Variants in NLRC4 observed in about 807,000 individuals in gnomAD.
NLRC4 encodes the protein NLR family CARD domain containing 4.
In NLRC4, 63 loss-of-function variants were observed where a neutral mutation model predicts 79.9. The observed-to-expected ratio is 0.79, with a 90% CI of 0.64 to 0.97. NLRC4 has a LOEUF of 0.97. Ranked by LOEUF, NLRC4 falls within the 50% of genes least tolerant of loss-of-function variation. NLRC4 has a pLI of 0.00. For missense variants in NLRC4, 1,074 were observed against 1,215.2 expected, an observed-to-expected ratio of 0.88 and a Z score of 1.73; for synonymous variants, 461 against 456.5, an observed-to-expected ratio of 1.01 and a Z score of -0.12.
rs1558464069 is a variant in NLRC4, at chr2:32,261,315, C to CTTTTTTTTTTTTTTTTTTTTTTTTTT, written c.-119+3422_-119+3423insAAAAAAAAAAAAAAAAAAAAAAAAAA. On this transcript the variant is annotated intron_variant, in intron 1 of 8. Coordinates refer to ENST00000402280, the MANE Select transcript of NLRC4 (RefSeq NM_001199138.2). ...TTTCTTTCGCCTATTAAGCCTCCCC[C>CTTTTTTTTTTTTTTTTTTTTTTTTTT]CTTTTGTTTTTTTTTGAGATGGAGC... 2.0e-4 allele frequency among the ~76,000 whole-genome samples: 16 copies of CTTTTTTTTTTTTTTTTTTTTTTTTTT among 81,508 alleles called. 1 individual carries two copies. Among genetic ancestry groups the CTTTTTTTTTTTTTTTTTTTTTTTTTT allele is most frequent in the African/African-American group, 6.8e-4 (14 of 20,692 alleles). 53.5% of individuals were successfully genotyped at this position (81,508 alleles called of 152,430 possible).
At chr2:32,262,294 A>G (rs1202844605) in intron 1 of NLRC4, among the ~76,000 whole-genome samples, 1 of 152,158 alleles carries the variant, frequency 6.6e-6, no homozygotes, top group Non-Finnish European at 1.5e-5. Context: ...TACTTCCCCA[A>G]AAAGGGGTGG....
At chr2:32,240,164 A>G (rs1401764207) in intron 5 of NLRC4, among the ~76,000 whole-genome samples, 1 of 152,052 alleles carries the variant, frequency 6.6e-6, no homozygotes, top group Non-Finnish European at 1.5e-5. Context: ...TATTTTTAGT[A>G]GAGACAGGGT....
chr2:32,259,262 A>ATTTTTTTTTTGTTTTTTTTTTTT (rs1687281143), intron 1 of NLRC4, among the ~76,000 whole-genome samples: 1 of 52,878 alleles, frequency 1.9e-5, no homozygotes, highest in African/African-American at 9.4e-5. Flanking sequence ...TGCCTGGCTA[A>ATTTTTTTTTTGTTTTTTTTTTTT]TTTTTTTTTT....
At chr2:32,254,651 T>C (rs1687163560) in intron 2 of NLRC4, among the ~76,000 whole-genome samples, 1 of 140,556 alleles carries the variant, frequency 7.1e-6, no homozygotes, top group African/African-American at 2.7e-5. Context: ...GAAGTTTCAC[T>C]GTTGCTGCCC....
Position 32,252,584 on chromosome 2 carries a change from G to A in NLRC4, c.97C>T (p.Leu33=). 3 of 1,614,128 alleles carry A rather than the reference G, an allele frequency of 1.9e-6. No individual in the cohort carries two copies. Among genetic ancestry groups the A allele is most frequent in the East Asian group, 4.5e-5 (2 of 44,886 alleles). Residue 33 remains leucine, a synonymous_variant, in exon 3 of 9, where the codon CTG becomes TTG. Coordinates refer to ENST00000402280, the MANE Select transcript of NLRC4 (RefSeq NM_001199138.2). ...ITDDLFVWNV[L]NREEVNIICC... ...ATGATGTTTACTTCTTCGCGATTCAGAACATTCCATACAAATAGGTCATCT... is the reference window on the plus strand; with the variant it reads ...ATGATGTTTACTTCTTCGCGATTCAAAACATTCCATACAAATAGGTCATCT...
chr2:32,241,785 TAAA>T (rs34749550), intron 4 of NLRC4, among the ~76,000 whole-genome samples: 92,348 of 151,478 alleles, frequency 0.61, 28,331 homozygotes, highest in Admixed American at 0.64. Context: ...TTGAAAAATA[TAAA>T]AATAAAAACA....
At position 32,250,869 on chromosome 2, in the gene NLRC4, C is replaced by T; in HGVS notation, c.995G>A (p.Arg332Lys). Residue 332 changes from arginine (R) to lysine (K), a missense_variant, in exon 4 of 9, where the codon AGG (arginine) becomes AAG (lysine). Physicochemically the swap from Arg to Lys is conservative, Grantham distance 26. Transcript: ENST00000402280. This position sits in a 1 kb window ranked among gnomAD's most constrained non-coding sequence, Gnocchi z 4.9. ...AAAGAGAGGGGTCTTCATGAGATTC[C>T]TCAAGCACCTGGATTTCTGAATTTG... The part of the protein sequence containing the change: ...LLQIQKSRCL[R>K]NLMKTPLFVV... The T allele has an allele frequency of 1.2e-6, 2 of 1,614,166 alleles. No homozygotes were observed. Among genetic ancestry groups the T allele is most frequent in the Non-Finnish European group, 1.7e-6 (2 of 1,180,036 alleles).
chr2:32,249,698 A>C lies in NLRC4; in HGVS notation c.2166T>G (p.Ser722Arg), dbSNP rs776862990. ...KNIYSLMVEA[S>R]PLTIEDERHI... The stretch of plus-strand genomic sequence containing the variant: ...GCCTCTCATCTTCTATGGTGAGGGG[A>C]CTGGCTTCCACCATGAGAGAATAAA... The change falls in exon 4 of 9, where the codon AGT (serine) becomes AGG (arginine). Residue 722 changes from serine to arginine, a missense_variant. Coordinates refer to ENST00000402280, the MANE Select transcript of NLRC4 (RefSeq NM_001199138.2). 31 of 1,613,776 alleles carry C rather than the reference A, an allele frequency of 1.9e-5. No homozygotes were observed. Among genetic ancestry groups the C allele is most frequent in the Non-Finnish European group, 2.5e-5 (30 of 1,179,812 alleles).
At chr2:32,248,656 C>G (rs578072833) in intron 4 of NLRC4, among the ~76,000 whole-genome samples, 21 of 151,888 alleles carry the variant, frequency 1.4e-4, no homozygotes, top group African/African-American at 4.6e-4. Flanking sequence ...CTCATCTCCC[C>G]ATAAAAAATC....
At position 32,250,960 on chromosome 2, in the gene NLRC4, C is replaced by A; in HGVS notation, c.904G>T (p.Glu302Ter). ...CGGATGAGAGCCTGGGCGCTGTCTT[C>A]TGTCATATCCCCCACCTCAGCAGTC... ...ALTAEVGDMT[E>*]DSAQALIREV... The change falls in exon 4 of 9, where the codon GAA becomes TAA. Residue 302 changes from glutamate (E) to a stop codon, truncating the protein, a stop_gained. Coordinates refer to ENST00000402280, the MANE Select transcript of NLRC4 (RefSeq NM_001199138.2). LOFTEE classifies it high-confidence loss of function. This position sits in a 1 kb window ranked among gnomAD's most constrained non-coding sequence, Gnocchi z 4.9. The A allele has an allele frequency of 1.2e-6, 2 of 1,614,200 alleles. No homozygotes were observed. Among genetic ancestry groups the A allele is most frequent in the African/African-American group, 2.7e-5 (2 of 75,034 alleles).
In NLRC4 at chr2:32,235,347, A is replaced by C. The variant is rs539577844; in HGVS notation, c.2782+54T>G. The C allele has an allele frequency of 2.8e-5, 39 of 1,375,796 alleles. No homozygotes were observed. In the African/African-American group the frequency reaches 5.2e-4, roughly 18 times the overall value. 85.2% of individuals were successfully genotyped at this position (1,375,796 alleles called of 1,614,324 possible). A position where few individuals can be genotyped will look rare whatever the true frequency, so the allele number is the denominator to read the frequency against. ...GGGCAAAATAAGCAAAGCCAACTTAAGAATTTTTTAAGGGCCAAATCCAGT... is the reference window on the plus strand; with the variant it reads ...GGGCAAAATAAGCAAAGCCAACTTACGAATTTTTTAAGGGCCAAATCCAGT... On this transcript the variant is annotated intron_variant, in intron 8 of 8. Transcript: ENST00000402280.
At chr2:32,227,990 G>A (rs1573466226) in intron 8 of NLRC4, among the ~76,000 whole-genome samples, 1 of 152,178 alleles carries the variant, frequency 6.6e-6, no homozygotes. Flanking sequence ...CTTCATTTGT[G>A]TTGTCCTGTA....
At chr2:32,224,797 G>GA in intron 8 of NLRC4, 32 bp from the exon 9 acceptor site, 1 of 948,034 alleles carries the variant, frequency 1.1e-6, no homozygotes, top group Admixed American at 3.5e-5. Context: ...TTAGTTGGAA[G>GA]AAAAATTTTT....
intron 8 of NLRC4, among the ~76,000 whole-genome samples, chr2:32,228,793 G>C (rs1225248431): frequency 6.6e-6 from 1 of 151,568 alleles, no homozygotes; most frequent in African/African-American, 2.4e-5. Context: ...TTTTGAGACA[G>C]GTTCTGGCTC....
chr2:32,254,619 T>C (rs961871449), intron 2 of NLRC4, among the ~76,000 whole-genome samples: 3 of 148,800 alleles, frequency 2.0e-5, no homozygotes, highest in Admixed American at 2.0e-4. Flanking sequence ...CCTGGTTTTT[T>C]TTTTTTTTTT....
intron 5 of NLRC4, among the ~76,000 whole-genome samples, chr2:32,239,383 G>A (rs566156110): frequency 1.8e-4 from 27 of 152,328 alleles, no homozygotes; most frequent in Admixed American, 1.5e-3. Context: ...CATATTTAAT[G>A]TGGTGCCTGG....
At chr2:32,235,342 A>G (rs1226255086) in intron 8 of NLRC4, 59 bp downstream of exon 8, 3 of 1,314,446 alleles carry the variant, frequency 2.3e-6, no homozygotes, top group African/African-American at 2.9e-5. Context: ...AGCAAAGCCA[A>G]CTTAAGAATT....
At chr2:32,237,528 G>A (rs1686700256) in intron 6 of NLRC4, among the ~76,000 whole-genome samples, 1 of 152,142 alleles carries the variant, frequency 6.6e-6, no homozygotes. Context: ...GTTATCTTTA[G>A]AGACTCCCAG....
chr2:32,253,433 C>A (rs1687129766), intron 2 of NLRC4, among the ~76,000 whole-genome samples: 2 of 151,624 alleles, frequency 1.3e-5, no homozygotes, highest in African/African-American at 2.4e-5. Context: ...CAGGCGTGAG[C>A]CACCGTGCCC....
Sources: gnomAD v4.1 joint callset for allele counts (sites outside exome capture counted in the v4.1 genomes callset) on GRCh38, gnomAD v4.1.1 for gene constraint, Gnocchi (gnomAD v3.1) non-coding constraint, MANE v1.5 for transcripts, NCBI Gene and HGNC (gene_info 2026-07-23, HGNC 2026-07-21) for gene names.